Variants in GPC6 observed in about 807,000 individuals in gnomAD.
GPC6 encodes glypican 6, also known as glypican-6.
A neutral mutation model predicts 55.2 loss-of-function variants in GPC6; 14 were observed. The observed-to-expected ratio is 0.25, with a 90% CI of 0.17 to 0.40. GPC6 has a LOEUF of 0.40. Among genes scored for constraint, GPC6 ranks in the 10% least tolerant of loss-of-function variants. The probability of loss-of-function intolerance (pLI) is 1.00; values close to 1 mark genes in which losing one functional copy is unlikely to be tolerated. For synonymous variants in GPC6, 278 were observed against 259.6 expected (o/e 1.07, Z -0.68); for missense variants, 641 against 708.5 (o/e 0.90, Z 1.08).
intron 3 of GPC6, among the ~76,000 whole-genome samples, chr13:93,879,546 C>A (rs1479793312): frequency 6.6e-6 from 1 of 151,476 alleles, no homozygotes; most frequent in South Asian, 2.1e-4. Flanking sequence ...TTCCTTACAC[C>A]TTATACAAAA....
chr13:94,131,324 C>A (rs1167618293), intron 4 of GPC6, among the ~76,000 whole-genome samples: 1 of 151,794 alleles, frequency 6.6e-6, no homozygotes, highest in Non-Finnish European at 1.5e-5. Context: ...TTTAAAAATT[C>A]AAAAAATAAA....
intron 3 of GPC6, among the ~76,000 whole-genome samples, chr13:93,967,894 TG>T (rs1341954923): frequency 1.1e-4 from 16 of 152,276 alleles, no homozygotes; most frequent in Non-Finnish European, 5.9e-5. Context: ...CTTTAAAAAC[TG>T]TTGGCAAATT....
intron 4 of GPC6, among the ~76,000 whole-genome samples, chr13:94,154,673 C>T (rs1300162575): frequency 2.0e-5 from 3 of 152,084 alleles, no homozygotes; most frequent in African/African-American, 7.2e-5. Context: ...TTGCCCTTCC[C>T]ACCTCAATTT....
intron 3 of GPC6, among the ~76,000 whole-genome samples, chr13:93,936,113 C>T (rs555078090): frequency 6.6e-6 from 1 of 152,050 alleles, no homozygotes; most frequent in Admixed American, 6.6e-5. Context: ...AAACATTGGG[C>T]GTCAGTGAGT....
intron 4 of GPC6, among the ~76,000 whole-genome samples, chr13:94,088,563 A>G (rs1594726470): frequency 2.4e-5 from 1 of 41,992 alleles, no homozygotes; most frequent in African/African-American, 1.0e-4. Flanking sequence ...AGGGAAGGGC[A>G]GGGGAGGGGA....
At chr13:93,943,048 G>C (rs1021787451) in intron 3 of GPC6, among the ~76,000 whole-genome samples, 2 of 152,086 alleles carry the variant, frequency 1.3e-5, no homozygotes, top group South Asian at 4.2e-4. Flanking sequence ...CCCCCATAAG[G>C]CTCTGCTGCA....
At chr13:94,040,340 T>C (rs1021005295) in intron 4 of GPC6, among the ~76,000 whole-genome samples, 3 of 151,910 alleles carry the variant, frequency 2.0e-5, no homozygotes, top group Middle Eastern at 3.4e-3. Context: ...TAATTATTCA[T>C]TGGTTTCTGG....
intron 4 of GPC6, among the ~76,000 whole-genome samples, chr13:94,195,119 A>C (rs901320901): frequency 6.6e-6 from 1 of 152,184 alleles, no homozygotes; most frequent in Non-Finnish European, 1.5e-5. Flanking sequence ...GTCTCTTTTG[A>C]ACAGAGAGTG....
At chr13:93,657,728 A>G (rs1213612260) in intron 2 of GPC6, among the ~76,000 whole-genome samples, 3 of 151,912 alleles carry the variant, frequency 2.0e-5, no homozygotes, top group Non-Finnish European at 4.4e-5. Context: ...TATCCAGAAT[A>G]TATAAGGAAC....
chr13:94,239,470 A>AT, intron 4 of GPC6, among the ~76,000 whole-genome samples: 1 of 152,290 alleles, frequency 6.6e-6, no homozygotes, highest in Middle Eastern at 3.4e-3. Flanking sequence ...TCAAGGAAAA[A>AT]TGTAGAGCAC....
rs11349969 is a variant in GPC6, at chr13:93,928,923, TAA to T, written c.711+98386_711+98387del. 3.8e-4 allele frequency among the ~76,000 whole-genome samples: 58 copies of T among 150,794 alleles called. 1 individual carries two copies. Among genetic ancestry groups the T allele is most frequent in the South Asian group, 4.2e-4 (2 of 4,728 alleles). ...TATAGTAGGTGTGTGTGTGTACATATAAAAAAAAATAGATATTTAAAGTACAA... is the reference window on the plus strand; with the variant it reads ...TATAGTAGGTGTGTGTGTGTACATATAAAAAAATAGATATTTAAAGTACAA... On this transcript the variant is annotated intron_variant, in intron 3 of 8. Coordinates refer to ENST00000377047, the MANE Select transcript of GPC6 (RefSeq NM_005708.5).
At chr13:93,511,200 G>C (rs1025963532) in intron 1 of GPC6, among the ~76,000 whole-genome samples, 3 of 150,366 alleles carry the variant, frequency 2.0e-5, no homozygotes, top group Non-Finnish European at 1.5e-5. Context: ...TAAAAATTAA[G>C]TCCCTTTTGT....
At chr13:93,540,717 A>T (rs1882259056) in intron 1 of GPC6, among the ~76,000 whole-genome samples, 1 of 152,148 alleles carries the variant, frequency 6.6e-6, no homozygotes, top group South Asian at 2.1e-4. Flanking sequence ...TAGCATTTTG[A>T]AACTATGTAA....
At chr13:93,519,897 C>T (rs1487229299) in intron 1 of GPC6, among the ~76,000 whole-genome samples, 1 of 151,916 alleles carries the variant, frequency 6.6e-6, no homozygotes, top group Admixed American at 6.6e-5. Flanking sequence ...TTTATAAAAA[C>T]TGAAACGAAT....
chr13:94,060,105 T>A (rs930102358), intron 4 of GPC6, among the ~76,000 whole-genome samples: 1 of 152,100 alleles, frequency 6.6e-6, no homozygotes, highest in African/African-American at 2.4e-5. Context: ...TTTTAAAAAA[T>A]GTGGAGATGG....
chr13:94,022,383 C>T lies in GPC6; in HGVS notation c.712-5346C>T, dbSNP rs1882730264. Among the ~76,000 whole-genome samples, 3 of 151,834 alleles carry T rather than the reference C, an allele frequency of 2.0e-5. No homozygotes were observed. In the South Asian group the frequency reaches 6.2e-4, roughly 32 times the overall value. Reference sequence around the variant, plus strand: ...GGCTTTTTTCACTTAGGATAATGTCCTATATGTCCATTCATGTTGTGGCAG... The same window carrying T: ...GGCTTTTTTCACTTAGGATAATGTCTTATATGTCCATTCATGTTGTGGCAG... On this transcript the variant is annotated intron_variant, in intron 3 of 8. Coordinates refer to ENST00000377047, the MANE Select transcript of GPC6 (RefSeq NM_005708.5).
At chr13:93,620,866 CCAA>C (rs1878922763) in intron 2 of GPC6, among the ~76,000 whole-genome samples, 2 of 152,114 alleles carry the variant, frequency 1.3e-5, no homozygotes, top group Admixed American at 1.3e-4. Flanking sequence ...TCATGTACCA[CCAA>C]CGAGGCCACA....
intron 5 of GPC6, among the ~76,000 whole-genome samples, chr13:94,291,381 A>G (rs1379125189): frequency 6.6e-6 from 1 of 151,718 alleles, no homozygotes; most frequent in Non-Finnish European, 1.5e-5. Context: ...CAAACTTTTC[A>G]GGAAAGAGGG....
intron 1 of GPC6, among the ~76,000 whole-genome samples, chr13:93,387,097 T>C (rs1875436174): frequency 6.6e-6 from 1 of 152,064 alleles, no homozygotes; most frequent in African/African-American, 2.4e-5. Context: ...AGAATACTAT[T>C]TCACACACTA....
Sources: gnomAD v4.1 joint callset for allele counts (sites outside exome capture counted in the v4.1 genomes callset) on GRCh38, gnomAD v4.1.1 for gene constraint, MANE v1.5 for transcripts, NCBI Gene and HGNC (gene_info 2026-07-23, HGNC 2026-07-21) for gene names.